LINGO2: variants seen among roughly 807,000 people sequenced by gnomAD.
LINGO2 encodes the protein leucine-rich repeat and immunoglobulin-like domain-containing nogo receptor-interacting protein 2.
Under a neutral mutation model 30.6 loss-of-function variants are expected in LINGO2, and 14 were observed. The ratio of observed to expected loss-of-function variants is 0.46; its 90% CI spans 0.30 to 0.72. The LOEUF (loss-of-function observed/expected upper bound fraction) is 0.72, where lower values mean the gene tolerates loss of function less well. LINGO2 is among the 30% of genes least tolerant of loss of function. The probability of loss-of-function intolerance (pLI) is 0.07; values close to 1 mark genes in which losing one functional copy is unlikely to be tolerated. For synonymous variants in LINGO2, 317 were observed against 288.5 expected (o/e 1.10, Z -1.00); for missense variants, 729 against 751.7 (o/e 0.97, Z 0.35).
chr9:29,118,265 T>C, the LINGO2 span, among the ~76,000 whole-genome samples: 15 of 152,304 alleles, frequency 9.8e-5, no homozygotes, highest in African/African-American at 3.6e-4. Context: ...ATTTGATGGC[T>C]GTCAGATCCC....
At chr9:28,967,835 A>T in the LINGO2 span, among the ~76,000 whole-genome samples, 2 of 152,208 alleles carry the variant, frequency 1.3e-5, no homozygotes, top group East Asian at 3.9e-4. Context: ...TCTAGCAGAG[A>T]GCGAGAAAGA....
the LINGO2 span, among the ~76,000 whole-genome samples, chr9:29,103,683 T>G: frequency 6.6e-6 from 1 of 152,176 alleles, no homozygotes; most frequent in South Asian, 2.1e-4. Context: ...GTGGTTGAGA[T>G]GTAGGTTCTT....
chr9:29,087,240 C>T, the LINGO2 span, among the ~76,000 whole-genome samples: 1 of 152,078 alleles, frequency 6.6e-6, no homozygotes. Context: ...CCCTGGTGAC[C>T]TGGGTAAGTT....
the LINGO2 span, among the ~76,000 whole-genome samples, chr9:28,900,078 G>T: frequency 6.6e-6 from 1 of 151,988 alleles, no homozygotes; most frequent in Non-Finnish European, 1.5e-5. Context: ...CTCCAGGCTG[G>T]TCCTCACGGC....
At chr9:28,131,555 G>A (rs544236003) in intron 4 of LINGO2, among the ~76,000 whole-genome samples, 2 of 152,230 alleles carry the variant, frequency 1.3e-5, no homozygotes, top group South Asian at 2.1e-4. Flanking sequence ...GGAAGAAGAA[G>A]GATCTAAGGC....
chr9:28,024,520 A>G (rs547600315), intron 4 of LINGO2, among the ~76,000 whole-genome samples: 1 of 152,346 alleles, frequency 6.6e-6, no homozygotes, highest in African/African-American at 2.4e-5. Flanking sequence ...GAACAGGGCC[A>G]GTAGCAGAGA....
At chr9:28,991,153 T>C in the LINGO2 span, among the ~76,000 whole-genome samples, 2 of 151,812 alleles carry the variant, frequency 1.3e-5, no homozygotes, top group Non-Finnish European at 1.5e-5. Context: ...GAATAACCAA[T>C]ACAGAGAAGT....
the LINGO2 span, among the ~76,000 whole-genome samples, chr9:28,731,393 A>G: frequency 6.6e-6 from 1 of 152,168 alleles, no homozygotes; most frequent in African/African-American, 2.4e-5. Context: ...TGATATGCAC[A>G]ATAACTTGGT....
intron 4 of LINGO2, among the ~76,000 whole-genome samples, chr9:28,237,784 G>A (rs1025951128): frequency 1.3e-5 from 2 of 152,124 alleles, no homozygotes; most frequent in East Asian, 1.9e-4. Context: ...AACCTAGGAG[G>A]TGGAGGTTGC....
At chr9:28,928,457 G>A in the LINGO2 span, among the ~76,000 whole-genome samples, 1 of 152,042 alleles carries the variant, frequency 6.6e-6, no homozygotes, top group Non-Finnish European at 1.5e-5. Flanking sequence ...TTTGAACTGT[G>A]TAGGTCCACT....
the LINGO2 span, among the ~76,000 whole-genome samples, chr9:29,041,725 C>T: frequency 6.6e-6 from 1 of 151,948 alleles, no homozygotes; most frequent in African/African-American, 2.4e-5. Context: ...AGAAGAACAT[C>T]TTCATAATCC....
chr9:28,033,364 A>G (rs1823774716), intron 4 of LINGO2, among the ~76,000 whole-genome samples: 1 of 152,104 alleles, frequency 6.6e-6, no homozygotes. Flanking sequence ...CACTGTGGCA[A>G]TGCTAGGGAG....
the LINGO2 span, among the ~76,000 whole-genome samples, chr9:29,127,667 A>T: frequency 6.6e-6 from 1 of 151,986 alleles, no homozygotes; most frequent in Non-Finnish European, 1.5e-5. Flanking sequence ...GTAGATCCTT[A>T]GTAATTGAGG....
chr9:27,955,482 G>A (rs1203967035), intron 5 of LINGO2, among the ~76,000 whole-genome samples: 6 of 151,926 alleles, frequency 3.9e-5, no homozygotes, highest in Non-Finnish European at 5.9e-5. Context: ...CTCTGTTACC[G>A]GCTTAAAGTA....
intron 4 of LINGO2, among the ~76,000 whole-genome samples, chr9:28,288,528 C>T (rs1422028113): frequency 6.6e-6 from 1 of 152,106 alleles, no homozygotes; most frequent in African/African-American, 2.4e-5. Flanking sequence ...GTTCATATCT[C>T]TGTTTATATG....
At chr9:28,231,919 T>G (rs1821370537) in intron 4 of LINGO2, among the ~76,000 whole-genome samples, 2 of 152,164 alleles carry the variant, frequency 1.3e-5, no homozygotes, top group African/African-American at 4.8e-5. Flanking sequence ...TTTTTTCTGC[T>G]CTTTTATACT....
At chr9:28,702,846 C>T in the LINGO2 span, among the ~76,000 whole-genome samples, 1 of 151,814 alleles carries the variant, frequency 6.6e-6, no homozygotes, top group Non-Finnish European at 1.5e-5. Flanking sequence ...TAAGCTTTGA[C>T]AAATTGCACT....
the LINGO2 span, among the ~76,000 whole-genome samples, chr9:29,189,277 C>T: frequency 2.0e-5 from 3 of 151,106 alleles, no homozygotes; most frequent in Non-Finnish European, 3.0e-5. Context: ...GGGGGCTGAC[C>T]GCCACCTCCC....
chr9:28,719,595 C>CT, the LINGO2 span, among the ~76,000 whole-genome samples: 4 of 151,952 alleles, frequency 2.6e-5, no homozygotes, highest in African/African-American at 9.7e-5. Flanking sequence ...ATCTTACTGA[C>CT]TTTGTTTTCC....
Sources: allele counts gnomAD v4.1 joint callset (sites outside exome capture counted in the v4.1 genomes callset), GRCh38; gene constraint gnomAD v4.1.1; transcripts MANE v1.5; gene names NCBI Gene and HGNC (gene_info 2026-07-23, HGNC 2026-07-21).